The following RAP1B variants were observed in gnomAD, a reference collection of about 807,000 sequenced individuals.
RAP1B encodes ras-related protein Rap-1b.
A neutral mutation model predicts 27.5 loss-of-function variants in RAP1B; 1 was observed. The observed-to-expected ratio is 0.04, with a 90% CI of 0.01 to 0.17. The LOEUF (loss-of-function observed/expected upper bound fraction) is 0.17, where lower values mean the gene tolerates loss of function less well. Among genes scored for constraint, RAP1B ranks in the 10% least tolerant of loss-of-function variants. RAP1B has a pLI of 1.00. For missense variants in RAP1B, 84 were observed against 214.8 expected (o/e 0.39, Z 3.81); for synonymous variants, 75 against 73.1 (o/e 1.03, Z -0.13).
At chr12:68,641,401 A>G (rs1026026478) in intron 1 of RAP1B, among the ~76,000 whole-genome samples, 2 of 152,194 alleles carry the variant, frequency 1.3e-5, no homozygotes, top group Non-Finnish European at 2.9e-5. Flanking sequence ...TTGTCTTTCC[A>G]TGTCTTTGCT....
At position 68,656,193 on chromosome 12, in the gene RAP1B, T is replaced by C. The variant is rs1592470017; in HGVS notation, c.325-113T>C. The C allele has an allele frequency of 4.4e-6, 4 of 902,944 alleles. No individual in the cohort carries two copies. The African/African-American group carries it at 6.8e-5, about 15-fold the overall frequency. 55.9% of individuals were successfully genotyped at this position (902,944 alleles called of 1,614,324 possible). On this transcript the variant is annotated intron_variant, in intron 5 of 7. Coordinates refer to ENST00000250559, the MANE Select transcript of RAP1B (RefSeq NM_001010942.3). ...AAATTTTATTATACATTATTTAATA[T>C]TTTTTGTGGCATATGAAAAGTAATT...
Position 68,613,712 on chromosome 12 carries a change from A to G in RAP1B, c.-27+2669A>G, listed in dbSNP as rs147929790. The stretch of plus-strand genomic sequence containing the variant: ...AATCTTCCTAGCGCGTTGCCTGGGC[A>G]CAGTGTAGCGCGTTGCCTGGGCACA... On this transcript the variant is annotated intron_variant, in intron 1 of 7. Transcript: ENST00000250559. Among the ~76,000 whole-genome samples, 464 of 152,186 alleles carry G rather than the reference A, an allele frequency of 3.0e-3. 1 individual carries two copies. The highest frequency in any genetic ancestry group is 6.8e-3 in the Middle Eastern group (2 of 294).
chr12:68,656,580 C>A, intron 6 of RAP1B, 131 bp downstream of exon 6: 1 of 844,906 alleles, frequency 1.2e-6, no homozygotes, highest in Non-Finnish European at 1.9e-6. Flanking sequence ...AAAAAAAAAC[C>A]CTCATGTTAA....
At position 68,656,399 on chromosome 12, in the gene RAP1B, A is replaced by C; in HGVS notation, c.418A>C (p.Asn140His). ...QGQNLARQWN[N>H]CAFLESSAKS... Reference sequence around the variant, plus strand: ...TCAAAATCTAGCAAGACAATGGAACAACTGTGCATTCTTAGAATCTTCTGC... The same window carrying C: ...TCAAAATCTAGCAAGACAATGGAACCACTGTGCATTCTTAGAATCTTCTGC... The change falls in exon 6 of 8, where the codon AAC (asparagine) becomes CAC (histidine). Residue 140 changes from asparagine to histidine, a missense_variant. Physicochemically the swap from Asn to His is moderately conservative, Grantham distance 68. Coordinates refer to ENST00000250559, the MANE Select transcript of RAP1B (RefSeq NM_001010942.3). 6.2e-7 allele frequency: 1 copy of C among 1,611,242 alleles called. No homozygotes were observed. The highest frequency in any genetic ancestry group is 2.2e-5 in the East Asian group (1 of 44,760).
intron 1 of RAP1B, among the ~76,000 whole-genome samples, chr12:68,640,050 A>G (rs761565886): frequency 6.6e-6 from 1 of 152,114 alleles, no homozygotes; most frequent in Non-Finnish European, 1.5e-5. Flanking sequence ...CATGTTGGTC[A>G]GGATGGTCTC....
rs1874201102 is a variant in RAP1B, at chr12:68,656,291, C to A, written c.325-15C>A. ...ATTTACTTATTTATTTTTACTCTCA[C>A]AAATGTATTTTTAGGTTCCAATGAT... On this transcript the variant is annotated splice_polypyrimidine_tract_variant and intron_variant, in intron 5 of 7. Coordinates refer to ENST00000250559, the MANE Select transcript of RAP1B (RefSeq NM_001010942.3). The A allele has an allele frequency of 1.9e-6, 3 of 1,587,048 alleles. No individual in the cohort carries two copies. The East Asian group carries it at 6.7e-5, about 36-fold the overall frequency.
chr12:68,613,389 TA>T (rs34380580), intron 1 of RAP1B, among the ~76,000 whole-genome samples: 1,940 of 123,326 alleles, frequency 0.016, 43 homozygotes, highest in African/African-American at 0.049. Context: ...AGACCTGTCT[TA>T]AAAAAAAAAA....
intron 2 of RAP1B, 27 bp from the exon 3 acceptor site, chr12:68,650,373 A>AC: frequency 6.6e-7 from 1 of 1,510,766 alleles, no homozygotes; most frequent in Non-Finnish European, 8.9e-7. Flanking sequence ...CTTTAGAAGT[A>AC]TAATGGTTTC....
rs1224083818 is a variant in RAP1B at position 68,667,154 on chromosome 12, G to A, written c.*7905G>A. 2 of 152,044 alleles carry A rather than the reference G, an allele frequency of 1.3e-5. No individual in the cohort carries two copies. The highest frequency in any genetic ancestry group is 2.9e-5 in the Non-Finnish European group (2 of 68,012). The allele number at this position is 152,044 out of a possible 1,614,324, so 9.4% of individuals were successfully genotyped here. A position where few individuals can be genotyped will look rare whatever the true frequency, so the allele number is the denominator to read the frequency against. ...AACAAACTTTTCTTTTTCATTTTCA[G>A]ACATATCCAGAGGGTTTTCTCTTCA... is the stretch of plus-strand genomic sequence containing the variant. On this transcript the variant is annotated 3_prime_UTR_variant, in exon 8 of 8. Coordinates refer to ENST00000250559, the MANE Select transcript of RAP1B (RefSeq NM_001010942.3).
At chr12:68,616,379 G>A (rs146324267) in intron 1 of RAP1B, among the ~76,000 whole-genome samples, 233 of 151,772 alleles carry the variant, frequency 1.5e-3, no homozygotes, top group African/African-American at 3.9e-3. Flanking sequence ...CCGCCTCCAG[G>A]GGTCAAGCAG....
At chr12:68,631,134 C>A (rs1024014484) in intron 1 of RAP1B, among the ~76,000 whole-genome samples, 1 of 151,984 alleles carries the variant, frequency 6.6e-6, no homozygotes, top group Non-Finnish European at 1.5e-5. Flanking sequence ...AAATTAATAT[C>A]CTGTTATAAA....
intron 3 of RAP1B, among the ~76,000 whole-genome samples, chr12:68,651,317 C>G (rs1350744768): frequency 3.3e-5 from 5 of 151,308 alleles, no homozygotes. Flanking sequence ...TATGAAGCAG[C>G]CAACCTGGCC....
intron 1 of RAP1B, among the ~76,000 whole-genome samples, chr12:68,615,771 A>ATG (rs900515785): frequency 9.2e-5 from 14 of 152,120 alleles, no homozygotes; most frequent in African/African-American, 3.1e-4. Flanking sequence ...GTAGTTATAC[A>ATG]TGTGTATATA....
chr12:68,633,029 T>A lies in RAP1B; in HGVS notation c.-26-15670T>A, dbSNP rs56703099. On this transcript the variant is annotated intron_variant, in intron 1 of 7. Transcript: ENST00000250559. ...TACAATACAAGCTATTCACTGCGTG[T>A]TTTATTGTGAGAAGCTCACTAAGTT... is the stretch of plus-strand genomic sequence containing the variant. Among the ~76,000 whole-genome samples, 907 of 152,348 alleles carry A rather than the reference T, an allele frequency of 6.0e-3. 9 individuals are homozygous for A. The highest frequency in any genetic ancestry group is 0.02 in the African/African-American group (843 of 41,564).
intron 1 of RAP1B, chr12:68,627,015 A>G: frequency 6.4e-7 from 1 of 1,572,990 alleles, no homozygotes; most frequent in East Asian, 2.2e-5. Context: ...CTTCTTTGAG[A>G]TGTGGATCTT....
chr12:68,641,302 C>G (rs1294450040), intron 1 of RAP1B: 1 of 152,250 alleles, frequency 6.6e-6, no homozygotes, highest in Non-Finnish European at 1.5e-5. Flanking sequence ...GCATGAGCCA[C>G]CACCCCCTTC....
At chr12:68,626,189 A>G (rs1871763744) in intron 1 of RAP1B, among the ~76,000 whole-genome samples, 1 of 152,162 alleles carries the variant, frequency 6.6e-6, no homozygotes, top group African/African-American at 2.4e-5. Context: ...ATTTATATTG[A>G]GAAGATATTT....
At chr12:68,656,576 AAAC>A (rs969814016) in intron 6 of RAP1B, 127 bp downstream of exon 6, 1 of 909,450 alleles carries the variant, frequency 1.1e-6, no homozygotes, top group African/African-American at 1.7e-5. Context: ...CAAAAAAAAA[AAAC>A]CCTCATGTTA....
chr12:68,639,586 A>G lies in RAP1B; in HGVS notation c.-26-9113A>G, dbSNP rs774245765. 3.9e-5 allele frequency among the ~76,000 whole-genome samples: 6 copies of G among 152,210 alleles called. No individual in the cohort carries two copies. In the South Asian group the frequency reaches 1.0e-3, roughly 26 times the overall value. ...CCTCCTAAGAACTGCATCTTGAGAT[A>G]TGCTGCCCTGATCTGTGTTGTTTTT... On this transcript the variant is annotated intron_variant, in intron 1 of 7. Coordinates refer to ENST00000250559, the MANE Select transcript of RAP1B (RefSeq NM_001010942.3).
Sources: allele counts gnomAD v4.1 joint callset (sites outside exome capture counted in the v4.1 genomes callset), GRCh38; gene constraint gnomAD v4.1.1; transcripts MANE v1.5; gene names NCBI Gene and HGNC (gene_info 2026-07-23, HGNC 2026-07-21).